ACAP2: variants seen among roughly 807,000 people sequenced by gnomAD.
ACAP2 encodes arf-GAP with coiled-coil, ANK repeat and PH domain-containing protein 2.
Under a neutral mutation model 115.8 loss-of-function variants are expected in ACAP2, and 39 were observed. The ratio of observed to expected loss-of-function variants is 0.34; its 90% CI spans 0.26 to 0.44. The LOEUF is 0.44. Among genes scored for constraint, ACAP2 ranks in the 20% least tolerant of loss-of-function variants. ACAP2 has a pLI of 1.00. For synonymous variants in ACAP2, 289 were observed against 315.8 expected (o/e 0.92, Z 0.90); for missense variants, 662 against 927.6 (o/e 0.71, Z 3.72).
intron 8 of ACAP2, among the ~76,000 whole-genome samples, chr3:195,330,050 C>G (rs1012488739): frequency 1.3e-5 from 2 of 152,058 alleles, no homozygotes; most frequent in Non-Finnish European, 2.9e-5. Context: ...ACTCACCCCC[C>G]ATCAACTCAC....
intron 22 of ACAP2, chr3:195,280,784 A>G (rs1014330747): frequency 6.6e-6 from 1 of 152,256 alleles, no homozygotes; most frequent in African/African-American, 2.4e-5. Flanking sequence ...ATCGTTGATC[A>G]TGAATGCTTC....
At chr3:195,326,725 C>G (rs1729820285) in intron 9 of ACAP2, 160 bp downstream of exon 9, 1 of 571,032 alleles carries the variant, frequency 1.8e-6, no homozygotes, top group East Asian at 2.9e-5. Flanking sequence ...ACCTTAAAAT[C>G]TGAAGAACAT....
chr3:195,341,469 C>T (rs1293520461), intron 6 of ACAP2, among the ~76,000 whole-genome samples: 1 of 151,872 alleles, frequency 6.6e-6, no homozygotes, highest in African/African-American at 2.4e-5. Flanking sequence ...GGACTGCAGG[C>T]GCCCGCCACC....
At chr3:195,328,737 C>T (rs1729968064) in intron 8 of ACAP2, among the ~76,000 whole-genome samples, 1 of 152,230 alleles carries the variant, frequency 6.6e-6, no homozygotes, top group Non-Finnish European at 1.5e-5. Flanking sequence ...ATATACTTTA[C>T]ATATGAATTC....
At chr3:195,370,399 A>C (rs750557694) in intron 4 of ACAP2, among the ~76,000 whole-genome samples, 32 of 152,108 alleles carry the variant, frequency 2.1e-4, no homozygotes, top group African/African-American at 7.2e-4. Context: ...TCTTTAATCC[A>C]TCTTGAGTTG....
chr3:195,288,263 A>G (rs910757957), intron 21 of ACAP2, among the ~76,000 whole-genome samples: 3 of 152,178 alleles, frequency 2.0e-5, no homozygotes, highest in Non-Finnish European at 4.4e-5. Flanking sequence ...CAAATTATCT[A>G]TGGCTTGGCT....
chr3:195,291,477 A>G (rs1727250411), intron 20 of ACAP2, among the ~76,000 whole-genome samples: 1 of 152,258 alleles, frequency 6.6e-6, no homozygotes, highest in Non-Finnish European at 1.5e-5. Context: ...CTATTTAATG[A>G]CAAGTTAAGG....
intron 4 of ACAP2, among the ~76,000 whole-genome samples, chr3:195,374,179 A>G (rs1733359350): frequency 6.6e-6 from 1 of 152,148 alleles, no homozygotes; most frequent in African/African-American, 2.4e-5. Flanking sequence ...TGAGGTCCGG[A>G]GTTCGAGACC....
At chr3:195,392,488 G>A (rs1734743672) in intron 1 of ACAP2, among the ~76,000 whole-genome samples, 1 of 152,204 alleles carries the variant, frequency 6.6e-6, no homozygotes, top group Non-Finnish European at 1.5e-5. Flanking sequence ...TGGATTTCTT[G>A]ATAACAAAAC....
chr3:195,442,888 G>C lies in ACAP2; in HGVS notation c.-41C>G. 6.7e-7 allele frequency: 1 copy of C among 1,494,426 alleles called. No individual in the cohort carries two copies. Among genetic ancestry groups the C allele is most frequent in the South Asian group, 1.3e-5 (1 of 78,668 alleles). 92.6% of individuals were successfully genotyped at this position (1,494,426 alleles called of 1,614,324 possible). ...CAGGCGGCGCTGGCAAAGCCGAGGGGGCCGCGGGAGCGGCCGCGCTGGGAC... is the reference window on the plus strand; with the variant it reads ...CAGGCGGCGCTGGCAAAGCCGAGGGCGCCGCGGGAGCGGCCGCGCTGGGAC... On this transcript the variant is annotated 5_prime_UTR_variant, in exon 1 of 23. Transcript: ENST00000326793.
At chr3:195,380,708 C>A (rs551409038) in intron 4 of ACAP2, among the ~76,000 whole-genome samples, 2 of 152,184 alleles carry the variant, frequency 1.3e-5, no homozygotes, top group East Asian at 3.9e-4. Flanking sequence ...AAAAATTTTA[C>A]AAAGCCACAA....
At chr3:195,422,506 G>A (rs146010310) in intron 1 of ACAP2, among the ~76,000 whole-genome samples, 7 of 152,002 alleles carry the variant, frequency 4.6e-5, no homozygotes, top group African/African-American at 1.5e-4. Context: ...TTTAGAGATG[G>A]AGTCTTGCTC....
intron 22 of ACAP2, among the ~76,000 whole-genome samples, chr3:195,280,074 G>C (rs1726391374): frequency 6.6e-6 from 1 of 152,052 alleles, no homozygotes; most frequent in African/African-American, 2.4e-5. Context: ...TGGGAAGCTG[G>C]GTGGGGGGGT....
chr3:195,396,198 C>G (rs1301348821), intron 1 of ACAP2, among the ~76,000 whole-genome samples: 1 of 151,786 alleles, frequency 6.6e-6, no homozygotes, highest in African/African-American at 2.4e-5. Context: ...TTGCAGTGAG[C>G]TGAGATCGCG....
intron 4 of ACAP2, among the ~76,000 whole-genome samples, chr3:195,366,432 G>A (rs1732728571): frequency 6.6e-6 from 1 of 152,182 alleles, no homozygotes; most frequent in African/African-American, 2.4e-5. Context: ...GCAATAATTA[G>A]AGACACTGGT....
intron 13 of ACAP2, among the ~76,000 whole-genome samples, chr3:195,305,584 T>C (rs1459602307): frequency 6.6e-6 from 1 of 152,130 alleles, no homozygotes; most frequent in Non-Finnish European, 1.5e-5. Flanking sequence ...ACTCCAGAAA[T>C]GATTTTGTAA....
intron 15 of ACAP2, among the ~76,000 whole-genome samples, chr3:195,300,807 A>G (rs550356290): frequency 6.6e-6 from 1 of 152,216 alleles, no homozygotes; most frequent in South Asian, 2.1e-4. Flanking sequence ...GCTTGAGCCC[A>G]GGAGTACAAG....
chr3:195,408,280 C>T (rs1002724750), intron 1 of ACAP2, among the ~76,000 whole-genome samples: 6 of 151,966 alleles, frequency 3.9e-5, no homozygotes, highest in Admixed American at 2.0e-4. Flanking sequence ...CTGGGCAACA[C>T]GGCGAAACCC....
At chr3:195,428,005 G>T (rs1035268168) in intron 1 of ACAP2, among the ~76,000 whole-genome samples, 1 of 147,396 alleles carries the variant, frequency 6.8e-6, no homozygotes, top group Non-Finnish European at 1.5e-5. Flanking sequence ...ACACACACAC[G>T]TCTAAAAGAT....
Sources: allele counts gnomAD v4.1 joint callset (sites outside exome capture counted in the v4.1 genomes callset), GRCh38; gene constraint gnomAD v4.1.1; transcripts MANE v1.5; gene names NCBI Gene and HGNC (gene_info 2026-07-23, HGNC 2026-07-21).